Variants in ASRGL1 observed in about 807,000 individuals in gnomAD.
The protein encoded by ASRGL1 is asparaginase and isoaspartyl peptidase 1, also known as isoaspartyl peptidase/L-asparaginase.
A neutral mutation model predicts 22.4 loss-of-function variants in ASRGL1; 16 were observed. The observed-to-expected ratio is 0.71, with a 90% CI of 0.48 to 1.08. The LOEUF is 1.08. Among genes scored for constraint, ASRGL1 ranks in the 50% least tolerant of loss-of-function variants. ASRGL1 has a pLI of 0.00. For missense variants in ASRGL1, 412 were observed against 410.1 expected (o/e 1.00, Z -0.04); for synonymous variants, 165 against 159.3 (o/e 1.04, Z -0.27).
Position 62,371,114 on chromosome 11 carries a change from C to G in ASRGL1, c.491+13970C>G, listed in dbSNP as rs1180896660. 5 of 777,470 alleles carry G rather than the reference C, an allele frequency of 6.4e-6. No homozygotes were observed. The South Asian group carries it at 1.3e-4, about 20-fold the overall frequency. 48.2% of individuals were successfully genotyped at this position (777,470 alleles called of 1,614,324 possible). ...TCCTTTTTTCTCTCTGGTTTCTCAT[C>G]ACTCCAACCAGCCGCAACCATGCCC... is the stretch of plus-strand genomic sequence containing the variant. On this transcript the variant is annotated intron_variant, in intron 4 of 6. Coordinates refer to ENST00000415229, the MANE Select transcript of ASRGL1 (RefSeq NM_001083926.2).
At chr11:62,354,382 A>G (rs897419912) in intron 2 of ASRGL1, among the ~76,000 whole-genome samples, 2 of 152,226 alleles carry the variant, frequency 1.3e-5, no homozygotes, top group Non-Finnish European at 2.9e-5. Flanking sequence ...ACTCAACCTT[A>G]TATCGGCTGG....
chr11:62,361,959 A>G (rs890206685), intron 4 of ASRGL1, among the ~76,000 whole-genome samples: 1 of 152,194 alleles, frequency 6.6e-6, no homozygotes, highest in Non-Finnish European at 1.5e-5. Context: ...AAGAATTGAA[A>G]GAAAACTTTC....
chr11:62,362,561 T>TATAAAATATATAATATATA (rs1491558196), intron 4 of ASRGL1, among the ~76,000 whole-genome samples: 2 of 25,534 alleles, frequency 7.8e-5, no homozygotes, highest in Non-Finnish European at 1.1e-4. Context: ...ACATATATTA[T>TATAAAATATATAATATATA]TTATATAATA....
At chr11:62,391,414 G>C (rs2958531) in intron 5 of ASRGL1, 108 bp from the exon 6 acceptor site, 2 of 1,431,766 alleles carry the variant, frequency 1.4e-6, no homozygotes, top group Non-Finnish European at 1.9e-6. Flanking sequence ...GACCTTTGTC[G>C]GTACTTGAGC....
intron 4 of ASRGL1, among the ~76,000 whole-genome samples, chr11:62,388,822 C>T (rs1304644736): frequency 1.3e-5 from 2 of 152,078 alleles, no homozygotes; most frequent in Non-Finnish European, 2.9e-5. Context: ...GTTTGAGAAG[C>T]ACTCTTACTT....
chr11:62,394,335 TATA>T (rs1407322056), downstream of ASRGL1, among the ~76,000 whole-genome samples: 1 of 140,964 alleles, frequency 7.1e-6, no homozygotes, highest in East Asian at 2.0e-4. Flanking sequence ...ATTTATAATT[TATA>T]ATATATATTA....
chr11:62,362,693 T>TTA (rs1420210038), intron 4 of ASRGL1, among the ~76,000 whole-genome samples: 2 of 80,020 alleles, frequency 2.5e-5, no homozygotes, highest in Non-Finnish European at 4.4e-5. Flanking sequence ...AAAATATATA[T>TTA]TATATATTAT....
the ASRGL1 span, among the ~76,000 whole-genome samples, chr11:62,400,275 G>C: frequency 6.6e-6 from 1 of 152,222 alleles, no homozygotes; most frequent in Admixed American, 6.5e-5. Flanking sequence ...TAACCTCTCT[G>C]AGAGGGTTGT....
At chr11:62,386,756 T>C (rs1219597918) in intron 4 of ASRGL1, among the ~76,000 whole-genome samples, 1 of 152,186 alleles carries the variant, frequency 6.6e-6, no homozygotes, top group Non-Finnish European at 1.5e-5. Flanking sequence ...TGTGAAATGC[T>C]TTTCCAAAGA....
At chr11:62,342,645 C>A (rs1945894609) in intron 2 of ASRGL1, among the ~76,000 whole-genome samples, 1 of 151,898 alleles carries the variant, frequency 6.6e-6, no homozygotes, top group African/African-American at 2.4e-5. Context: ...GCAATCCCAG[C>A]TACTCAGGAG....
intron 2 of ASRGL1, among the ~76,000 whole-genome samples, chr11:62,349,866 T>A (rs1396850509): frequency 6.6e-6 from 1 of 152,116 alleles, no homozygotes; most frequent in East Asian, 1.9e-4. Context: ...CCTCCCCTTT[T>A]TAGACCACAT....
At chr11:62,371,809 C>T in intron 4 of ASRGL1, 1 of 483,166 alleles carries the variant, frequency 2.1e-6, no homozygotes, top group African/African-American at 2.0e-5. Flanking sequence ...AAAAAATTAG[C>T]CGGGCGTGGT....
At position 62,392,499 on chromosome 11, in the gene ASRGL1, G is replaced by T. The variant is rs1261698083; in HGVS notation, c.*215G>T. 3.3e-6 allele frequency: 2 copies of T among 598,974 alleles called. No homozygotes were observed. The highest frequency in any genetic ancestry group is 5.8e-6 in the Non-Finnish European group (2 of 342,140). The allele number at this position is 598,974 out of a possible 1,614,324, so 37.1% of individuals were successfully genotyped here. ...TAGGAGGATTACTTGAGCCCAGGAG[G>T]TCAAAGCTGAGGTGAGCCATGATTA... On this transcript the variant is annotated 3_prime_UTR_variant, in exon 7 of 7. Transcript: ENST00000415229.
chr11:62,370,392 G>A (rs1946731794), intron 4 of ASRGL1, among the ~76,000 whole-genome samples: 1 of 152,136 alleles, frequency 6.6e-6, no homozygotes, highest in Non-Finnish European at 1.5e-5. Flanking sequence ...TGGAATTTAG[G>A]TCGATAGTAT....
At chr11:62,375,441 T>TAC (rs1368168031) in intron 4 of ASRGL1, among the ~76,000 whole-genome samples, 19 of 28,334 alleles carry the variant, frequency 6.7e-4, no homozygotes, top group African/African-American at 3.8e-3. Flanking sequence ...TATATATATA[T>TAC]ATATATATAT....
chr11:62,384,371 G>A (rs1947152690), intron 4 of ASRGL1, among the ~76,000 whole-genome samples: 1 of 152,076 alleles, frequency 6.6e-6, no homozygotes, highest in Non-Finnish European at 1.5e-5. Flanking sequence ...TGGGTGTGGT[G>A]GTACACGCCT....
chr11:62,345,471 G>A (rs1040211863), intron 2 of ASRGL1, among the ~76,000 whole-genome samples: 3 of 152,018 alleles, frequency 2.0e-5, no homozygotes, highest in Admixed American at 2.0e-4. Context: ...GTTTCACCAT[G>A]TTGGCCAGAC....
chr11:62,382,801 C>G (rs1947105021), intron 4 of ASRGL1: 1 of 152,440 alleles, frequency 6.6e-6, no homozygotes, highest in East Asian at 1.9e-4. Context: ...CTGCAGCCTT[C>G]CGCAGTGTAT....
intron 4 of ASRGL1, among the ~76,000 whole-genome samples, chr11:62,375,404 G>A (rs1447555499): frequency 1.7e-5 from 2 of 118,906 alleles, no homozygotes; most frequent in Non-Finnish European, 3.4e-5. Context: ...AAGGTGCCTG[G>A]TTTAGTGCTG....
Sources: allele counts gnomAD v4.1 joint callset (sites outside exome capture counted in the v4.1 genomes callset), GRCh38; gene constraint gnomAD v4.1.1; transcripts MANE v1.5; gene names NCBI Gene and HGNC (gene_info 2026-07-23, HGNC 2026-07-21).